The following SLC2A9 variants were observed in gnomAD, a reference collection of about 807,000 sequenced individuals.
SLC2A9 encodes solute carrier family 2 member 9.
SLC2A9 carries 39 observed loss-of-function variants against 50.6 expected under a neutral mutation model. That is an observed-to-expected ratio of 0.77 (90% CI 0.60 to 1.01). The LOEUF is 1.01. Among genes scored for constraint, SLC2A9 ranks in the 50% least tolerant of loss-of-function variants. The pLI is 0.00. For missense variants in SLC2A9, 686 were observed against 677.6 expected, an observed-to-expected ratio of 1.01 and a Z score of -0.14; for synonymous variants, 324 against 276.9, an observed-to-expected ratio of 1.17 and a Z score of -1.69.
chr4:9,890,969 A>G (rs762444551), intron 8 of SLC2A9, among the ~76,000 whole-genome samples: 1 of 152,190 alleles, frequency 6.6e-6, no homozygotes, highest in African/African-American at 2.4e-5. Flanking sequence ...CTTCCTTGCT[A>G]TGGTGGACTC....
chr4:9,934,973 C>T (rs192614372), intron 6 of SLC2A9, among the ~76,000 whole-genome samples: 19 of 152,322 alleles, frequency 1.2e-4, no homozygotes, highest in Non-Finnish European at 2.9e-5. Context: ...CATGTCCCTG[C>T]AAAGAATATG....
chr4:9,828,787 A>G (rs1172728583), intron 11 of SLC2A9, among the ~76,000 whole-genome samples: 1 of 152,156 alleles, frequency 6.6e-6, no homozygotes, highest in Non-Finnish European at 1.5e-5. Flanking sequence ...ACTCATCACT[A>G]TGCAGCATTA....
chr4:9,854,234 G>T (rs1322581645), intron 10 of SLC2A9, among the ~76,000 whole-genome samples: 1 of 151,752 alleles, frequency 6.6e-6, no homozygotes, highest in East Asian at 1.9e-4. Context: ...AGACTGATAG[G>T]CCACTATCTA....
At chr4:9,916,292 C>G (rs1258033400) in intron 7 of SLC2A9, among the ~76,000 whole-genome samples, 1 of 152,184 alleles carries the variant, frequency 6.6e-6, no homozygotes, top group Non-Finnish European at 1.5e-5. Flanking sequence ...TGCAAAGACC[C>G]AGGCAGCAGT....
chr4:9,776,507 A>G (rs560755887), downstream of SLC2A9, among the ~76,000 whole-genome samples: 4 of 152,052 alleles, frequency 2.6e-5, no homozygotes, highest in South Asian at 8.3e-4. Context: ...ATAACCAGCA[A>G]TCAGAGGCCG....
At chr4:9,788,855 C>T (rs1310386049) in intron 3 of SLC2A9, among the ~76,000 whole-genome samples, 1 of 152,118 alleles carries the variant, frequency 6.6e-6, no homozygotes, top group Non-Finnish European at 1.5e-5. Flanking sequence ...CTTGTATATT[C>T]CCTGTCCAAG....
chr4:9,877,608 C>T (rs930209106), intron 10 of SLC2A9, among the ~76,000 whole-genome samples: 1 of 152,178 alleles, frequency 6.6e-6, no homozygotes, highest in African/African-American at 2.4e-5. Context: ...CTTATTCATT[C>T]CCAGGTCTGT....
intron 10 of SLC2A9, among the ~76,000 whole-genome samples, chr4:9,860,274 C>T (rs1404073362): frequency 3.9e-5 from 6 of 152,310 alleles, no homozygotes; most frequent in African/African-American, 9.6e-5. Context: ...TGGGGTCTTC[C>T]TCTGTTCCCA....
intron 1 of SLC2A9, among the ~76,000 whole-genome samples, chr4:10,036,503 T>C (rs953528217): frequency 1.3e-5 from 2 of 152,244 alleles, no homozygotes; most frequent in African/African-American, 4.8e-5. Context: ...CACACACAAT[T>C]CCATGTGGTG....
At chr4:9,800,794 T>A (rs1721297567) in intron 3 of SLC2A9, among the ~76,000 whole-genome samples, 2 of 152,160 alleles carry the variant, frequency 1.3e-5, no homozygotes, top group East Asian at 3.8e-4. Flanking sequence ...GATGGGAGGA[T>A]GTGTGGGGTG....
exon 2 of SLC2A9, chr4:9,771,297 G>C (rs1716784788): frequency 2.6e-6 from 1 of 388,968 alleles, no homozygotes. Context: ...GTCAATGGGA[G>C]TTTCCTTCAC....
At chr4:9,878,582 T>A (rs937922031) in intron 10 of SLC2A9, among the ~76,000 whole-genome samples, 3 of 152,056 alleles carry the variant, frequency 2.0e-5, no homozygotes, top group African/African-American at 7.2e-5. Context: ...ACCTTCTGTA[T>A]GCCTCTCTTC....
At chr4:9,979,811 G>A (rs1470502847) in intron 5 of SLC2A9, among the ~76,000 whole-genome samples, 1 of 152,086 alleles carries the variant, frequency 6.6e-6, no homozygotes, top group East Asian at 1.9e-4. Context: ...CCCTCCCCAT[G>A]CCTGCTTTCT....
chr4:9,895,204 C>T (rs1444113763), intron 8 of SLC2A9, among the ~76,000 whole-genome samples: 1 of 152,094 alleles, frequency 6.6e-6, no homozygotes, highest in Non-Finnish European at 1.5e-5. Context: ...CTTGATGAAC[C>T]AGTAACTTGA....
upstream of SLC2A9, chr4:10,021,567 G>C: frequency 7.4e-7 from 1 of 1,347,278 alleles, no homozygotes; most frequent in South Asian, 1.2e-5. Context: ...GATCATGCCT[G>C]AACAGGCAAC....
intron 5 of SLC2A9, among the ~76,000 whole-genome samples, chr4:9,951,320 A>C (rs1361620823): frequency 6.6e-6 from 1 of 152,206 alleles, no homozygotes; most frequent in Non-Finnish European, 1.5e-5. Context: ...GAGTGTAAAG[A>C]TAGATAACAG....
At chr4:9,916,924 G>C (rs1485341917) in intron 7 of SLC2A9, among the ~76,000 whole-genome samples, 1 of 152,182 alleles carries the variant, frequency 6.6e-6, no homozygotes, top group African/African-American at 2.4e-5. Flanking sequence ...GGCTGCTCTG[G>C]TGCTGGAGGC....
chr4:9,822,258 T>G (rs148539010), downstream of SLC2A9, among the ~76,000 whole-genome samples: 297 of 152,340 alleles, frequency 1.9e-3, no homozygotes, highest in Non-Finnish European at 3.2e-3. Context: ...TCTTATCTTG[T>G]CCTGTTTTTG....
At chr4:9,825,361 G>T (rs1156366505), downstream of SLC2A9, among the ~76,000 whole-genome samples, 1 of 152,150 alleles carries the variant, frequency 6.6e-6, no homozygotes, top group African/African-American at 2.4e-5. Context: ...CAGTCAAGAT[G>T]AGTAATCACC....
Sources: gnomAD v4.1 joint callset for allele counts (sites outside exome capture counted in the v4.1 genomes callset) on GRCh38, gnomAD v4.1.1 for gene constraint, MANE v1.5 for transcripts, NCBI Gene and HGNC (gene_info 2026-07-23, HGNC 2026-07-21) for gene names.